The following MDGA2 variants were observed in gnomAD, a reference collection of about 807,000 sequenced individuals.
MDGA2 encodes the protein MAM domain containing glycosylphosphatidylinositol anchor 2.
MDGA2 carries 40 observed loss-of-function variants against 117.8 expected under a neutral mutation model. That is an observed-to-expected ratio of 0.34 (90% CI 0.26 to 0.44). The LOEUF is 0.44. Ranked by LOEUF, MDGA2 falls within the 20% of genes least tolerant of loss-of-function variation. The pLI is 1.00. For synonymous variants in MDGA2, 452 were observed against 439.0 expected (o/e 1.03, Z -0.37); for missense variants, 1,123 against 1,250.6 (o/e 0.90, Z 1.54).
At chr14:47,069,374 T>C (rs555762821) in intron 6 of MDGA2, among the ~76,000 whole-genome samples, 23 of 152,350 alleles carry the variant, frequency 1.5e-4, no homozygotes, top group African/African-American at 5.3e-4. Flanking sequence ...ATATAACGTT[T>C]AAGAAAATAA....
chr14:47,347,571 CAA>C (rs1890787831), intron 1 of MDGA2, among the ~76,000 whole-genome samples: 1 of 152,018 alleles, frequency 6.6e-6, no homozygotes, highest in Non-Finnish European at 1.5e-5. Context: ...CTAGAGAAGA[CAA>C]GAGGAAATAT....
chr14:47,197,588 T>C (rs1000690461), intron 3 of MDGA2, among the ~76,000 whole-genome samples: 4 of 152,298 alleles, frequency 2.6e-5, no homozygotes, highest in African/African-American at 9.6e-5. Context: ...AATGTTCTTG[T>C]TGGTGAATCT....
At chr14:47,365,796 T>C (rs1891219250) in intron 1 of MDGA2, among the ~76,000 whole-genome samples, 2 of 152,190 alleles carry the variant, frequency 1.3e-5, no homozygotes, top group Admixed American at 1.3e-4. Flanking sequence ...ATTTAAATAA[T>C]TTTTCCTCCT....
At chr14:47,075,837 G>A (rs1042380673) in intron 6 of MDGA2, among the ~76,000 whole-genome samples, 107 of 152,132 alleles carry the variant, frequency 7.0e-4, no homozygotes, top group African/African-American at 2.6e-3. Flanking sequence ...CTGGTTTATT[G>A]TTATTTATAT....
At chr14:47,226,185 G>A (rs920406801) in intron 2 of MDGA2, among the ~76,000 whole-genome samples, 1 of 151,020 alleles carries the variant, frequency 6.6e-6, no homozygotes, top group African/African-American at 2.4e-5. Context: ...CACCACTCCA[G>A]CCTGGGCAAC....
chr14:47,579,210 T>G (rs1203019748), intron 1 of MDGA2, among the ~76,000 whole-genome samples: 1 of 152,088 alleles, frequency 6.6e-6, no homozygotes, highest in Non-Finnish European at 1.5e-5. Flanking sequence ...ATCAAGTTTT[T>G]GTAGTAAAGT....
intron 6 of MDGA2, among the ~76,000 whole-genome samples, chr14:47,070,035 T>A (rs1890222642): frequency 6.6e-6 from 1 of 152,124 alleles, no homozygotes; most frequent in Non-Finnish European, 1.5e-5. Context: ...GGTGGGGTTA[T>A]CCATCCCTTC....
chr14:47,324,838 G>GAGAGAGAGAGAGAGAA (rs1478378574), intron 1 of MDGA2, among the ~76,000 whole-genome samples: 1 of 149,278 alleles, frequency 6.7e-6, no homozygotes, highest in Non-Finnish European at 1.5e-5. Context: ...TGTATACACA[G>GAGAGAGAGAGAGAGAA]AGAGAGAGAG....
intron 4 of MDGA2, 144 bp from the exon 5 acceptor site, chr14:47,131,990 T>C (rs1882230006): frequency 3.5e-6 from 2 of 568,876 alleles, no homozygotes; most frequent in Non-Finnish European, 5.4e-6. Context: ...AAATGTCCTA[T>C]CTTTCAAATA....
intron 2 of MDGA2, among the ~76,000 whole-genome samples, chr14:47,226,841 C>T (rs1328919060): frequency 6.6e-6 from 1 of 152,090 alleles, no homozygotes; most frequent in East Asian, 1.9e-4. Context: ...GAAAAATTTT[C>T]CTCCCCATTT....
At chr14:46,905,319 A>T (rs1174547018) in intron 10 of MDGA2, among the ~76,000 whole-genome samples, 1 of 152,174 alleles carries the variant, frequency 6.6e-6, no homozygotes, top group Non-Finnish European at 1.5e-5. Flanking sequence ...ACCTGTGACA[A>T]AATAAGTACT....
chr14:47,500,457 T>C (rs970651812), intron 1 of MDGA2, among the ~76,000 whole-genome samples: 143 of 152,190 alleles, frequency 9.4e-4, no homozygotes, highest in African/African-American at 3.3e-3. Context: ...TGAAATTTCA[T>C]TAAAATTCAA....
chr14:47,392,340 G>C (rs1008060218), intron 1 of MDGA2, among the ~76,000 whole-genome samples: 10 of 152,034 alleles, frequency 6.6e-5, no homozygotes, highest in Non-Finnish European at 1.3e-4. Flanking sequence ...TGTCGCCATA[G>C]TACATTGAAA....
chr14:47,036,270 C>CA (rs11310113), intron 7 of MDGA2, among the ~76,000 whole-genome samples: 13,873 of 71,888 alleles, frequency 0.19, 783 homozygotes, highest in South Asian at 0.24. Context: ...ACTCTGTCTC[C>CA]AAAAAAAAAA....
At chr14:47,393,001 T>TA (rs1031105350) in intron 1 of MDGA2, among the ~76,000 whole-genome samples, 1 of 151,694 alleles carries the variant, frequency 6.6e-6, no homozygotes, top group Non-Finnish European at 1.5e-5. Context: ...CTTTTGCAGC[T>TA]AAAAAAGAAA....
At chr14:46,916,573 C>T (rs1270759883) in intron 10 of MDGA2, among the ~76,000 whole-genome samples, 1 of 152,032 alleles carries the variant, frequency 6.6e-6, no homozygotes, top group Admixed American at 6.6e-5. Flanking sequence ...TCTTCAAAGG[C>T]AATGTTGCTT....
At chr14:47,591,628 GT>G (rs1234386643) in intron 1 of MDGA2, among the ~76,000 whole-genome samples, 1 of 152,112 alleles carries the variant, frequency 6.6e-6, no homozygotes, top group Non-Finnish European at 1.5e-5. Flanking sequence ...CAGGATGCAA[GT>G]CTGGTTCAAA....
chr14:47,202,777 G>A (rs1016727410), intron 3 of MDGA2, among the ~76,000 whole-genome samples: 1 of 152,170 alleles, frequency 6.6e-6, no homozygotes, highest in Non-Finnish European at 1.5e-5. Flanking sequence ...TGAGAAGCCA[G>A]CAGCTTGGCT....
chr14:47,513,437 C>A (rs1894684446), intron 1 of MDGA2, among the ~76,000 whole-genome samples: 1 of 152,008 alleles, frequency 6.6e-6, no homozygotes, highest in Non-Finnish European at 1.5e-5. Flanking sequence ...TCATTTAATT[C>A]TTTCCCACGA....
Sources: gnomAD v4.1 joint callset for allele counts (sites outside exome capture counted in the v4.1 genomes callset) on GRCh38, gnomAD v4.1.1 for gene constraint, MANE v1.5 for transcripts, NCBI Gene and HGNC (gene_info 2026-07-23, HGNC 2026-07-21) for gene names.